The following POU6F2 variants were observed in gnomAD, a reference collection of about 807,000 sequenced individuals.
POU6F2 encodes POU class 6 homeobox 2.
Under a neutral mutation model 71.3 loss-of-function variants are expected in POU6F2, and 31 were observed. The ratio of observed to expected loss-of-function variants is 0.43; its 90% CI spans 0.33 to 0.59. The LOEUF (loss-of-function observed/expected upper bound fraction) is 0.59, where lower values mean the gene tolerates loss of function less well. Ranked by LOEUF, POU6F2 falls within the 20% of genes least tolerant of loss-of-function variation. The probability of loss-of-function intolerance (pLI) is 0.04; values close to 1 mark genes in which losing one functional copy is unlikely to be tolerated. For missense variants in POU6F2, 783 were observed against 856.8 expected (o/e 0.91, Z 1.07); for synonymous variants, 347 against 355.7 (o/e 0.98, Z 0.27).
chr7:39,451,927 G>C (rs1788671760), intron 8 of POU6F2, among the ~76,000 whole-genome samples: 1 of 152,170 alleles, frequency 6.6e-6, no homozygotes, highest in Non-Finnish European at 1.5e-5. Flanking sequence ...TGAATTAGTG[G>C]CTATCAAGGA....
intron 2 of POU6F2, among the ~76,000 whole-genome samples, chr7:39,150,336 A>G (rs1792730668): frequency 6.7e-6 from 1 of 149,576 alleles, no homozygotes; most frequent in Non-Finnish European, 1.5e-5. Context: ...ATATCTTTAC[A>G]AGGTGGTGAT....
At chr7:39,172,285 C>T (rs2128739342) in intron 2 of POU6F2, among the ~76,000 whole-genome samples, 1 of 152,240 alleles carries the variant, frequency 6.6e-6, no homozygotes, top group Non-Finnish European at 1.5e-5. Flanking sequence ...CATTCCAGCT[C>T]ACTTATATCC....
At chr7:39,321,582 T>C (rs1785392178) in intron 4 of POU6F2, among the ~76,000 whole-genome samples, 1 of 152,200 alleles carries the variant, frequency 6.6e-6, no homozygotes, top group South Asian at 2.1e-4. Context: ...TGAAAATTAT[T>C]AACCAAGAAG....
At chr7:39,026,985 T>C (rs1465827503) in intron 1 of POU6F2, among the ~76,000 whole-genome samples, 2 of 152,096 alleles carry the variant, frequency 1.3e-5, no homozygotes, top group African/African-American at 4.8e-5. Flanking sequence ...ATTTAGGCAA[T>C]TGACTGGTTT....
chr7:39,322,680 TGTTA>T (rs1460408799), intron 4 of POU6F2, among the ~76,000 whole-genome samples: 4 of 152,266 alleles, frequency 2.6e-5, no homozygotes, highest in Non-Finnish European at 5.9e-5. Flanking sequence ...TTTAATAAGT[TGTTA>T]GTTCATAAAC....
At chr7:39,419,080 T>C (rs1787774964) in intron 6 of POU6F2, among the ~76,000 whole-genome samples, 1 of 136,996 alleles carries the variant, frequency 7.3e-6, no homozygotes, top group Admixed American at 7.4e-5. Context: ...TACACACATA[T>C]ATACGTATAT....
intron 4 of POU6F2, among the ~76,000 whole-genome samples, chr7:39,216,292 A>G (rs1399204160): frequency 2.0e-5 from 3 of 152,218 alleles, no homozygotes; most frequent in Non-Finnish European, 2.9e-5. Context: ...TATTAGGTGA[A>G]CCCATTAGAT....
chr7:39,118,038 A>G (rs1791969739), intron 2 of POU6F2, among the ~76,000 whole-genome samples: 1 of 152,184 alleles, frequency 6.6e-6, no homozygotes, highest in East Asian at 1.9e-4. Flanking sequence ...CTCACCTTGT[A>G]GAATGCTGAT....
At chr7:39,382,043 A>T (rs1249083634) in intron 5 of POU6F2, among the ~76,000 whole-genome samples, 2 of 150,306 alleles carry the variant, frequency 1.3e-5, no homozygotes, top group Non-Finnish European at 3.0e-5. Flanking sequence ...ACACACAAGC[A>T]AATAATAATA....
intron 2 of POU6F2, among the ~76,000 whole-genome samples, chr7:39,096,971 A>G (rs770453700): frequency 6.6e-6 from 1 of 152,194 alleles, no homozygotes; most frequent in Non-Finnish European, 1.5e-5. Context: ...ATGTGGAATT[A>G]TTTTTTAAAT....
At chr7:39,285,369 T>C (rs1784633684) in intron 4 of POU6F2, among the ~76,000 whole-genome samples, 1 of 152,194 alleles carries the variant, frequency 6.6e-6, no homozygotes, top group Non-Finnish European at 1.5e-5. Context: ...ATGGCCACCA[T>C]GCTCATCGTA....
chr7:39,081,322 A>G (rs1222446249), intron 1 of POU6F2, among the ~76,000 whole-genome samples: 1 of 152,222 alleles, frequency 6.6e-6, no homozygotes, highest in Non-Finnish European at 1.5e-5. Context: ...ATTAGATAAT[A>G]TAAGAGTTAT....
intron 2 of POU6F2, among the ~76,000 whole-genome samples, chr7:39,090,681 A>G (rs1791345487): frequency 6.6e-6 from 1 of 151,522 alleles, no homozygotes; most frequent in Non-Finnish European, 1.5e-5. Flanking sequence ...TAAAATATGT[A>G]TCATGCTTCT....
intron 2 of POU6F2, among the ~76,000 whole-genome samples, chr7:39,117,354 A>G (rs980160665): frequency 6.6e-6 from 1 of 152,184 alleles, no homozygotes; most frequent in Non-Finnish European, 1.5e-5. Context: ...ACTAGGGGCT[A>G]GACAAAACAA....
At chr7:39,266,990 C>A (rs1160251426) in intron 4 of POU6F2, among the ~76,000 whole-genome samples, 1 of 152,114 alleles carries the variant, frequency 6.6e-6, no homozygotes, top group African/African-American at 2.4e-5. Flanking sequence ...CAACCTCTTC[C>A]CCTGCGTAGT....
At chr7:39,290,421 C>T (rs1784730344) in intron 4 of POU6F2, among the ~76,000 whole-genome samples, 1 of 152,188 alleles carries the variant, frequency 6.6e-6, no homozygotes, top group Admixed American at 6.5e-5. Context: ...TGTTCTTGAG[C>T]TTTGTGCTCT....
chr7:39,068,794 T>C (rs1790813216), intron 1 of POU6F2, among the ~76,000 whole-genome samples: 1 of 152,176 alleles, frequency 6.6e-6, no homozygotes, highest in African/African-American at 2.4e-5. Context: ...GGAAACTTGA[T>C]AACTCTTCTT....
chr7:39,275,466 G>A (rs1784419075), intron 4 of POU6F2, among the ~76,000 whole-genome samples: 1 of 152,154 alleles, frequency 6.6e-6, no homozygotes, highest in Admixed American at 6.5e-5. Context: ...CGTGAAAATG[G>A]CCATACTGCC....
chr7:39,352,455 T>C (rs146248868), intron 5 of POU6F2, among the ~76,000 whole-genome samples: 192 of 152,282 alleles, frequency 1.3e-3, no homozygotes, highest in Non-Finnish European at 2.0e-3. Context: ...AAACACAAGA[T>C]ACATGCAAAA....
Sources: allele counts gnomAD v4.1 joint callset (sites outside exome capture counted in the v4.1 genomes callset), GRCh38; gene constraint gnomAD v4.1.1; transcripts MANE v1.5; gene names NCBI Gene and HGNC (gene_info 2026-07-23, HGNC 2026-07-21).